HNF1B: variants seen among roughly 807,000 people sequenced by gnomAD.
The protein encoded by HNF1B is hepatocyte nuclear factor 1-beta.
A neutral mutation model predicts 61.7 loss-of-function variants in HNF1B; 8 were observed. The ratio of observed to expected loss-of-function variants is 0.13; its 90% CI spans 0.08 to 0.23. The LOEUF (loss-of-function observed/expected upper bound fraction) is 0.23, where lower values mean the gene tolerates loss of function less well. Ranked by LOEUF, HNF1B falls within the 10% of genes least tolerant of loss-of-function variation. The pLI is 1.00. For synonymous variants in HNF1B, 314 were observed against 287.7 expected (o/e 1.09, Z -0.93); for missense variants, 562 against 714.5 (o/e 0.79, Z 2.43).
chr17:37,733,622 C>G lies in HNF1B; in HGVS notation c.744G>C (p.Gln248His). 6.2e-7 allele frequency: 1 copy of G among 1,614,178 alleles called. No homozygotes were observed. The highest frequency in any genetic ancestry group is 8.5e-7 in the Non-Finnish European group (1 of 1,180,032). ...WGPASQQILY[Q>H]AYDRQKNPSK... The stretch of plus-strand genomic sequence containing the variant: ...TGGGGTTCTTTTGCCGATCGTAGGC[C>G]TGGTACAAGATTTGCTGGGACGCGG... Residue 248 changes from glutamine to histidine, a missense_variant, in exon 3 of 9, where the codon CAG becomes CAC. Gln to His is a conservative substitution (Grantham distance 24). Around this residue, in one of 6 missense-constraint regions of HNF1B, gnomAD observed 54 missense variants for 122.1 expected, o/e 0.44. Transcript: ENST00000617811.
chr17:37,707,981 C>A (rs1290112226), intron 5 of HNF1B, among the ~76,000 whole-genome samples: 1 of 152,134 alleles, frequency 6.6e-6, no homozygotes, highest in Admixed American at 6.5e-5. Flanking sequence ...GATTGTCATT[C>A]CTAGAACAGG....
At chr17:37,700,437 A>G (rs1288541000) in intron 7 of HNF1B, among the ~76,000 whole-genome samples, 1 of 152,240 alleles carries the variant, frequency 6.6e-6, no homozygotes, top group Non-Finnish European at 1.5e-5. Flanking sequence ...CCAGGATGGC[A>G]TGCCACTGGT....
At chr17:37,699,918 A>G (rs967144722) in intron 7 of HNF1B, among the ~76,000 whole-genome samples, 1 of 151,838 alleles carries the variant, frequency 6.6e-6, no homozygotes, top group Admixed American at 6.6e-5. Context: ...AGAAACACAA[A>G]CCTCTTTCAC....
chr17:37,744,922 GTGGGT>G lies in HNF1B; in HGVS notation c.-43_-39del. ...GAAAAAGAAGGGGGTGAGGGGGTGGGTGGGTGCGAGAGAGGAGGGTGGAGGGGAGT... is the reference window on the plus strand; with the variant it reads ...GAAAAAGAAGGGGGTGAGGGGGTGGGGCGAGAGAGGAGGGTGGAGGGGAGT... On this transcript the variant is annotated 5_prime_UTR_variant, in exon 1 of 9. Coordinates refer to ENST00000617811, the MANE Select transcript of HNF1B (RefSeq NM_000458.4). 1 of 1,328,858 alleles carries G rather than the reference GTGGGT, an allele frequency of 7.5e-7. No homozygotes were observed. The highest frequency in any genetic ancestry group is 1.1e-6 in the Non-Finnish European group (1 of 929,946). The allele number at this position is 1,328,858 out of a possible 1,614,324, so 82.3% of individuals were successfully genotyped here.
Position 37,687,048 on chromosome 17 carries a change from C to G in HNF1B, c.*324G>C. ...ATTCAAGTTTTCGCATCAGTTTGTT[C>G]GATGAAGGATCACAACATAGACAGT... On this transcript the variant is annotated 3_prime_UTR_variant, in exon 9 of 9. Transcript: ENST00000617811. 1.8e-6 allele frequency: 1 copy of G among 567,766 alleles called. No homozygotes were observed. Among genetic ancestry groups the G allele is most frequent in the South Asian group, 2.0e-5 (1 of 49,124 alleles). The allele number at this position is 567,766 out of a possible 1,614,324, so 35.2% of individuals were successfully genotyped here.
chr17:37,692,340 A>G (rs889501026), intron 8 of HNF1B, among the ~76,000 whole-genome samples: 2 of 152,218 alleles, frequency 1.3e-5, no homozygotes, highest in Non-Finnish European at 2.9e-5. Context: ...TGGGTGCTTA[A>G]AAGTGGATAT....
intron 8 of HNF1B, among the ~76,000 whole-genome samples, chr17:37,698,083 C>T (rs569318367): frequency 6.6e-6 from 1 of 152,074 alleles, no homozygotes; most frequent in African/African-American, 2.4e-5. Flanking sequence ...CATGAAGGAA[C>T]CTCCTGGGAA....
At chr17:37,698,889 T>C (rs779649954) in intron 8 of HNF1B, among the ~76,000 whole-genome samples, 187 bp downstream of exon 8, 19 of 144,968 alleles carry the variant, frequency 1.3e-4, no homozygotes, top group Non-Finnish European at 2.6e-4. Context: ...GGGGGAGCAA[T>C]AAGCCCTTTC....
chr17:37,687,413 G>A (rs766273286), intron 8 of HNF1B, 21 bp from the exon 9 acceptor site: 1 of 1,588,600 alleles, frequency 6.3e-7, no homozygotes, highest in South Asian at 1.1e-5. Context: ...AGAGGAGAGA[G>A]GGTGCTCAGC....
At chr17:37,696,198 A>G (rs1161154121) in intron 8 of HNF1B, among the ~76,000 whole-genome samples, 1 of 152,132 alleles carries the variant, frequency 6.6e-6, no homozygotes, top group Non-Finnish European at 1.5e-5. Context: ...TAATCCCAGC[A>G]CTTTGGGAGG....
At chr17:37,731,940 C>G in intron 3 of HNF1B, 110 bp from the exon 4 acceptor site, 1 of 728,630 alleles carries the variant, frequency 1.4e-6, no homozygotes. Context: ...ATGAAGGGGC[C>G]GTGGGCAGAA....
In HNF1B at chr17:37,733,710, G is replaced by A. The variant is rs2033755105; in HGVS notation, c.656C>T (p.Ser219Phe). 2 of 1,614,178 alleles carry A rather than the reference G, an allele frequency of 1.2e-6. No individual in the cohort carries two copies. The highest frequency in any genetic ancestry group is 2.2e-5 in the East Asian group (1 of 44,884). Residue 219 changes from serine (S) to phenylalanine (F), a missense_variant, in exon 3 of 9, where the codon TCC becomes TTC. This residue lies in a region of HNF1B where 69 missense variants were observed against 81.2 expected (regional missense o/e 0.85). Transcript: ENST00000617811. ...FSQQSHGPGQ[S>F]DDACSEPTNK... is the part of the protein sequence containing the mutation. The stretch of plus-strand genomic sequence containing the variant: ...GGTGGGCTCAGAGCAGGCATCATCG[G>A]ACTGCCCAGGCCCATGGCTCTGTTG...
chr17:37,689,118 C>T (rs2032095623), intron 8 of HNF1B, among the ~76,000 whole-genome samples: 1 of 141,146 alleles, frequency 7.1e-6, no homozygotes, highest in South Asian at 2.2e-4. Context: ...GCACTCCAGC[C>T]TGGGCGACAG....
intron 4 of HNF1B, among the ~76,000 whole-genome samples, chr17:37,721,719 C>CTTT (rs200443525): frequency 2.1e-5 from 3 of 144,440 alleles, no homozygotes. Context: ...ATCTCTCTCT[C>CTTT]TTTTTTTTTT....
At chr17:37,718,073 A>G (rs955134901) in intron 4 of HNF1B, among the ~76,000 whole-genome samples, 2 of 152,210 alleles carry the variant, frequency 1.3e-5, no homozygotes, top group Admixed American at 6.5e-5. Context: ...CTCAAGGAGT[A>G]AAAGTTGAGT....
chr17:37,716,447 C>T (rs1189752481), intron 4 of HNF1B, among the ~76,000 whole-genome samples: 1 of 152,176 alleles, frequency 6.6e-6, no homozygotes, highest in Non-Finnish European at 1.5e-5. Flanking sequence ...GATCCGCCCG[C>T]CTCAGCCTCC....
rs565995876 is a variant in HNF1B at position 37,687,202 on chromosome 17, C to A, written c.*170G>T. The A allele has an allele frequency of 1.5e-5, 16 of 1,058,710 alleles. 1 individual carries two copies. The South Asian group carries it at 2.1e-4, about 14-fold the overall frequency. 65.6% of individuals were successfully genotyped at this position (1,058,710 alleles called of 1,614,324 possible). ...AGGGAAACTGGGCTTCGGGCTGCGC[C>A]TCCTGAGAGTGGATTGTCTGAGGTG... On this transcript the variant is annotated 3_prime_UTR_variant, in exon 9 of 9. Transcript: ENST00000617811.
chr17:37,742,589 G>C (rs1019975315), intron 1 of HNF1B, among the ~76,000 whole-genome samples: 1 of 152,052 alleles, frequency 6.6e-6, no homozygotes, highest in African/African-American at 2.4e-5. Context: ...GCACCCGCTC[G>C]GGACGGGAGA....
intron 4 of HNF1B, among the ~76,000 whole-genome samples, chr17:37,725,932 G>C (rs2033480520): frequency 6.6e-6 from 1 of 152,350 alleles, no homozygotes; most frequent in African/African-American, 2.4e-5. Context: ...TGGGGATGGG[G>C]TCATGAAAGA....
Sources: gnomAD v4.1 joint callset for allele counts (sites outside exome capture counted in the v4.1 genomes callset) on GRCh38, gnomAD v4.1.1 for gene constraint, gnomAD v4.1.1 regional missense constraint, MANE v1.5 for transcripts, NCBI Gene and HGNC (gene_info 2026-07-23, HGNC 2026-07-21) for gene names.